The following TRIT1 variants were observed in gnomAD, a reference collection of about 807,000 sequenced individuals.
TRIT1 encodes tRNA dimethylallyltransferase.
TRIT1 carries 43 observed loss-of-function variants against 51.2 expected under a neutral mutation model. That is an observed-to-expected ratio of 0.84 (90% CI 0.66 to 1.08). The LOEUF (loss-of-function observed/expected upper bound fraction) is 1.08, where lower values mean the gene tolerates loss of function less well. TRIT1 is among the 50% of genes least tolerant of loss of function. TRIT1 has a pLI of 0.00. For synonymous variants in TRIT1, 184 were observed against 203.9 expected, an observed-to-expected ratio of 0.90 and a Z score of 0.83; for missense variants, 528 against 578.4, an observed-to-expected ratio of 0.91 and a Z score of 0.89.
intron 1 of TRIT1, among the ~76,000 whole-genome samples, chr1:39,870,513 T>TAAAAA (rs60334518): frequency 1.3e-3 from 104 of 78,746 alleles, no homozygotes; most frequent in African/African-American, 4.7e-3. Context: ...CAATAAATAC[T>TAAAAA]AAAAAAAAAA....
At position 39,841,832 on chromosome 1, in the gene TRIT1, C is replaced by A; in HGVS notation, c.1316G>T (p.Ser439Ile). The change falls in exon 11 of 11, where the codon AGT becomes ATT. Residue 439 changes from serine (S) to isoleucine (I), a missense_variant. Ser to Ile is a moderately radical substitution (Grantham distance 142, BLOSUM62 -2). Around this residue, in one of 3 missense-constraint regions of TRIT1, gnomAD observed 468 missense variants for 522.6 expected, o/e 0.90. Transcript: ENST00000316891. ...LDSDAVNTIE[S>I]QSVSPDHNKE... ...GTTATGGTCTGGGGAAACACTCTGACTTTCTATGGTGTTGACAGCATCTGA... is the reference window on the plus strand; with the variant it reads ...GTTATGGTCTGGGGAAACACTCTGAATTTCTATGGTGTTGACAGCATCTGA... The A allele has an allele frequency of 6.2e-7, 1 of 1,614,068 alleles. No homozygotes were observed.
intron 1 of TRIT1, among the ~76,000 whole-genome samples, chr1:39,874,602 T>C (rs1326901786): frequency 6.6e-6 from 1 of 152,142 alleles, no homozygotes; most frequent in African/African-American, 2.4e-5. Flanking sequence ...GCTAAGACTA[T>C]GGTTAAATTG....
At chr1:39,855,433 A>G (rs757463900) in intron 2 of TRIT1, among the ~76,000 whole-genome samples, 4 of 152,232 alleles carry the variant, frequency 2.6e-5, no homozygotes, top group Non-Finnish European at 5.9e-5. Context: ...TAAAATGTCA[A>G]TTATACACAA....
In TRIT1 at chr1:39,863,180, C is replaced by T. The variant is rs34613600; in HGVS notation, c.175-5763G>A. Among the ~76,000 whole-genome samples, 32 of 152,238 alleles carry T rather than the reference C, an allele frequency of 2.1e-4. 1 individual carries two copies. In the Middle Eastern group the frequency reaches 0.017, roughly 81 times the overall value. On this transcript the variant is annotated intron_variant, in intron 1 of 10. Transcript: ENST00000316891. Reference sequence around the variant, plus strand: ...TTATGAAAAGAAGATTAAGAAAGTCCCATGGACGGGCATGGTGGCTCACAC... The same window carrying T: ...TTATGAAAAGAAGATTAAGAAAGTCTCATGGACGGGCATGGTGGCTCACAC...
chr1:39,859,975 G>A (rs1181237398), intron 1 of TRIT1, among the ~76,000 whole-genome samples: 3 of 152,118 alleles, frequency 2.0e-5, no homozygotes, highest in South Asian at 4.1e-4. Context: ...CTGCCTTTAG[G>A]TGTATCTTCT....
intron 2 of TRIT1, among the ~76,000 whole-genome samples, chr1:39,855,049 T>C (rs1051201183): frequency 2.0e-5 from 3 of 152,220 alleles, no homozygotes; most frequent in African/African-American, 7.2e-5. Flanking sequence ...GGTTTCACGA[T>C]GTTACTTGCC....
At chr1:39,883,202 T>G (rs1557595688) in intron 1 of TRIT1, 116 bp downstream of exon 1, 1 of 1,143,506 alleles carries the variant, frequency 8.7e-7, no homozygotes, top group African/African-American at 1.6e-5. Flanking sequence ...TGGGCTCCCT[T>G]TACCTACCCC....
chr1:39,845,119 T>A (rs1042169131), intron 8 of TRIT1, among the ~76,000 whole-genome samples: 1 of 152,242 alleles, frequency 6.6e-6, no homozygotes, highest in East Asian at 1.9e-4. Flanking sequence ...TGAAATGCTC[T>A]GAAAGCATGG....
intron 1 of TRIT1, among the ~76,000 whole-genome samples, chr1:39,866,053 A>G (rs1643533958): frequency 6.7e-6 from 1 of 149,008 alleles, no homozygotes; most frequent in Non-Finnish European, 1.5e-5. Context: ...AAAAGAAAAG[A>G]AAGGGAAGAG....
At chr1:39,872,782 G>C (rs35426856) in intron 1 of TRIT1, among the ~76,000 whole-genome samples, 777 of 70,908 alleles carry the variant, frequency 0.011, 3 homozygotes, top group African/African-American at 0.043. Context: ...CACACACACA[G>C]AGAGAGAGAG....
At chr1:39,859,287 A>C (rs1030771465) in intron 1 of TRIT1, among the ~76,000 whole-genome samples, 2 of 144,450 alleles carry the variant, frequency 1.4e-5, no homozygotes, top group Non-Finnish European at 3.0e-5. Flanking sequence ...AAAAAAAAAA[A>C]AAAAAAAAAC....
At chr1:39,868,863 C>T (rs1643700751) in intron 1 of TRIT1, among the ~76,000 whole-genome samples, 1 of 151,910 alleles carries the variant, frequency 6.6e-6, no homozygotes, top group Non-Finnish European at 1.5e-5. Context: ...AGTTCTAGAC[C>T]ATCCTGGCCA....
intron 5 of TRIT1, among the ~76,000 whole-genome samples, chr1:39,848,956 C>T (rs1392072192): frequency 6.6e-6 from 1 of 151,840 alleles, no homozygotes; most frequent in African/African-American, 2.4e-5. Flanking sequence ...TTTTATGCTG[C>T]CTGTAGAGTA....
chr1:39,878,927 T>G (rs892065074), intron 1 of TRIT1, among the ~76,000 whole-genome samples: 1 of 152,166 alleles, frequency 6.6e-6, no homozygotes, highest in Non-Finnish European at 1.5e-5. Flanking sequence ...TACATCTTTT[T>G]CCTGATCAAA....
chr1:39,860,493 A>G (rs1203321768), intron 1 of TRIT1, among the ~76,000 whole-genome samples: 1 of 152,256 alleles, frequency 6.6e-6, no homozygotes, highest in Non-Finnish European at 1.5e-5. Flanking sequence ...ATTGGTAAAT[A>G]TAATGCAAAT....
Position 39,852,744 on chromosome 1 carries a change from G to T in TRIT1, c.547C>A (p.Arg183Ser). Residue 183 changes from arginine to serine, a missense_variant, in exon 4 of 11, where the codon CGC (arginine) becomes AGC (serine). By Grantham distance (110) the Arg-to-Ser change is moderately radical. Coordinates refer to ENST00000316891, the MANE Select transcript of TRIT1 (RefSeq NM_017646.6). Reference sequence around the variant, plus strand: ...AGGCTTTCTTACCTGGCCACTTTGCGTTTGTCATGTGGATGCAGCTTGGCA... The same window carrying T: ...AGGCTTTCTTACCTGGCCACTTTGCTTTTGTCATGTGGATGCAGCTTGGCA... Reference protein sequence around the residue: ...MAAKLHPHDKRKVARSLQVFE... With the variant: ...MAAKLHPHDKSKVARSLQVFE... 6.2e-7 allele frequency: 1 copy of T among 1,613,830 alleles called. No individual in the cohort carries two copies. The highest frequency in any genetic ancestry group is 8.5e-7 in the Non-Finnish European group (1 of 1,179,874).
At chr1:39,842,666 T>C (rs1641982836) in intron 10 of TRIT1, among the ~76,000 whole-genome samples, 1 of 152,240 alleles carries the variant, frequency 6.6e-6, no homozygotes, top group Non-Finnish European at 1.5e-5. Flanking sequence ...CATACAGATT[T>C]ATTTTCACTA....
chr1:39,863,187 C>T (rs1041250327), intron 1 of TRIT1, among the ~76,000 whole-genome samples: 4 of 152,194 alleles, frequency 2.6e-5, no homozygotes, highest in African/African-American at 7.2e-5. Context: ...GTCCCATGGA[C>T]GGGCATGGTG....
At chr1:39,845,078 T>G (rs1642149656) in intron 8 of TRIT1, among the ~76,000 whole-genome samples, 2 of 152,240 alleles carry the variant, frequency 1.3e-5, no homozygotes, top group African/African-American at 4.8e-5. Context: ...GTCTCGGGTT[T>G]GCATATATTC....
Sources: gnomAD v4.1 joint callset for allele counts (sites outside exome capture counted in the v4.1 genomes callset) on GRCh38, gnomAD v4.1.1 for gene constraint, gnomAD v4.1.1 regional missense constraint, MANE v1.5 for transcripts, NCBI Gene and HGNC (gene_info 2026-07-23, HGNC 2026-07-21) for gene names.